Variants in CDH6 observed in about 807,000 individuals in gnomAD.
CDH6 encodes cadherin-6.
CDH6 carries 31 observed loss-of-function variants against 78.0 expected under a neutral mutation model. That is an observed-to-expected ratio of 0.40 (90% CI 0.30 to 0.54). The LOEUF (loss-of-function observed/expected upper bound fraction) is 0.54, where lower values mean the gene tolerates loss of function less well. Among genes scored for constraint, CDH6 ranks in the 20% least tolerant of loss-of-function variants. CDH6 has a pLI of 0.56. For missense variants in CDH6, 724 were observed against 975.9 expected, an observed-to-expected ratio of 0.74 and a Z score of 3.44; for synonymous variants, 376 against 368.8, an observed-to-expected ratio of 1.02 and a Z score of -0.23.
In CDH6 at chr5:31,324,094, G is replaced by GT. The variant is rs1241634371; in HGVS notation, c.*790dup. 1.4e-5 allele frequency: 3 copies of GT among 221,758 alleles called. No homozygotes were observed. Among genetic ancestry groups the GT allele is most frequent in the Non-Finnish European group, 2.7e-5 (3 of 111,072 alleles). 13.7% of individuals were successfully genotyped at this position (221,758 alleles called of 1,614,324 possible). On this transcript the variant is annotated 3_prime_UTR_variant, in exon 12 of 12. Transcript: ENST00000265071. ...AAATATATTTTACCATACATTTAAA[G>GT]TTTTGGCCACCACATGTATCACGGG... is the stretch of plus-strand genomic sequence containing the variant.
chr5:31,229,697 G>A (rs1033336427), intron 1 of CDH6, among the ~76,000 whole-genome samples: 2 of 152,216 alleles, frequency 1.3e-5, no homozygotes, highest in Non-Finnish European at 2.9e-5. Flanking sequence ...ATGACAAAGA[G>A]AAATGCAATT....
intron 1 of CDH6, chr5:31,251,900 C>T (rs2149925046): frequency 6.6e-6 from 1 of 152,246 alleles, no homozygotes; most frequent in South Asian, 2.1e-4. Flanking sequence ...CAAAATGACA[C>T]TTCAGAAGTT....
intron 1 of CDH6, among the ~76,000 whole-genome samples, chr5:31,264,747 C>G (rs955580089): frequency 6.6e-6 from 1 of 152,106 alleles, no homozygotes; most frequent in African/African-American, 2.4e-5. Flanking sequence ...CAAGTTGATA[C>G]AAAAAGAACT....
At chr5:31,254,093 G>A (rs749353815) in intron 1 of CDH6, among the ~76,000 whole-genome samples, 4 of 152,110 alleles carry the variant, frequency 2.6e-5, no homozygotes, top group African/African-American at 4.8e-5. Flanking sequence ...CATCCTGCCT[G>A]GATTGTGAAT....
chr5:31,260,111 A>C (rs1351623096), intron 1 of CDH6, among the ~76,000 whole-genome samples: 3 of 152,262 alleles, frequency 2.0e-5, no homozygotes, highest in Non-Finnish European at 1.5e-5. Flanking sequence ...AGGATGGCCT[A>C]TATGTGTCGT....
At chr5:31,240,726 A>G (rs571905462) in intron 1 of CDH6, among the ~76,000 whole-genome samples, 1 of 152,332 alleles carries the variant, frequency 6.6e-6, no homozygotes, top group African/African-American at 2.4e-5. Context: ...ATTATCCTCC[A>G]TGCTCATCTG....
chr5:31,230,939 C>T (rs1224634005), intron 1 of CDH6, among the ~76,000 whole-genome samples: 1 of 152,156 alleles, frequency 6.6e-6, no homozygotes, highest in Non-Finnish European at 1.5e-5. Context: ...CGAACAAACT[C>T]TTTAAAATGT....
chr5:31,328,324 A>T lies in CDH6; in HGVS notation c.*5016A>T. 5.0e-6 allele frequency: 1 copy of T among 199,582 alleles called. No homozygotes were observed. The highest frequency in any genetic ancestry group is 6.0e-5 in the Admixed American group (1 of 16,566). The allele number at this position is 199,582 out of a possible 1,614,324, so 12.4% of individuals were successfully genotyped here. A position where few individuals can be genotyped will look rare whatever the true frequency, so the allele number is the denominator to read the frequency against. ...AGATCTTGGTCTTTCTTGTGAGGCTACGTTATTTATGTAAATATGTCTGGA... is the reference window on the plus strand; with the variant it reads ...AGATCTTGGTCTTTCTTGTGAGGCTTCGTTATTTATGTAAATATGTCTGGA... On this transcript the variant is annotated 3_prime_UTR_variant, in exon 12 of 12. Coordinates refer to ENST00000265071, the MANE Select transcript of CDH6 (RefSeq NM_004932.4).
intron 7 of CDH6, 147 bp downstream of exon 7, chr5:31,305,574 T>A: frequency 1.3e-6 from 1 of 769,826 alleles, no homozygotes; most frequent in Non-Finnish European, 2.1e-6. Context: ...ACAGCACCTT[T>A]AACTCTCTTT....
At chr5:31,246,093 G>A (rs531891464) in intron 1 of CDH6, among the ~76,000 whole-genome samples, 72 of 151,576 alleles carry the variant, frequency 4.8e-4, no homozygotes, top group Admixed American at 2.0e-4. Context: ...TGTATTTTTA[G>A]TAGAGACAGG....
intron 1 of CDH6, among the ~76,000 whole-genome samples, chr5:31,240,612 A>G (rs1412272320): frequency 6.6e-6 from 1 of 152,168 alleles, no homozygotes; most frequent in Non-Finnish European, 1.5e-5. Flanking sequence ...CGCTCTACTC[A>G]GACAGCTCAC....
At chr5:31,231,762 C>T (rs912824286) in intron 1 of CDH6, among the ~76,000 whole-genome samples, 10 of 152,168 alleles carry the variant, frequency 6.6e-5, no homozygotes, top group African/African-American at 1.9e-4. Flanking sequence ...AAAGGTCCCA[C>T]GTCTCAATAA....
chr5:31,284,754 T>A (rs148548093), intron 2 of CDH6, among the ~76,000 whole-genome samples: 7 of 152,354 alleles, frequency 4.6e-5, no homozygotes, highest in Admixed American at 2.6e-4. Flanking sequence ...GAACCACAGA[T>A]GCCACTGAGG....
At chr5:31,215,127 C>T (rs1740828205) in intron 1 of CDH6, among the ~76,000 whole-genome samples, 1 of 152,144 alleles carries the variant, frequency 6.6e-6, no homozygotes, top group Non-Finnish European at 1.5e-5. Context: ...TGCTTTCTGA[C>T]ACTTTGTTTA....
At chr5:31,225,650 A>G (rs1036631562) in intron 1 of CDH6, among the ~76,000 whole-genome samples, 4 of 151,376 alleles carry the variant, frequency 2.6e-5, no homozygotes, top group Non-Finnish European at 5.9e-5. Flanking sequence ...GTGAGAACTC[A>G]CTAACTGTCA....
chr5:31,304,338 T>G (rs1449491056), intron 6 of CDH6, among the ~76,000 whole-genome samples: 2 of 152,178 alleles, frequency 1.3e-5, no homozygotes, highest in Admixed American at 1.3e-4. Context: ...GTTGGTTTAA[T>G]GGTCCACGCT....
intron 1 of CDH6, among the ~76,000 whole-genome samples, chr5:31,205,512 CAGA>C (rs1740491883): frequency 6.6e-6 from 1 of 152,160 alleles, no homozygotes; most frequent in East Asian, 1.9e-4. Flanking sequence ...AGCAGATTAG[CAGA>C]AGTCTGTCAT....
intron 1 of CDH6, among the ~76,000 whole-genome samples, chr5:31,264,036 T>C (rs1215625759): frequency 6.6e-6 from 1 of 152,208 alleles, no homozygotes; most frequent in Non-Finnish European, 1.5e-5. Flanking sequence ...TTCTTCTTCT[T>C]CATGCAAACA....
In CDH6 at chr5:31,323,723, A is replaced by C. The variant is rs962198752; in HGVS notation, c.*415A>C. ...TAAAGATAAAAATATCATCATAGTA[A>C]AAGAAATGAGGGCATATCGGCTCAC... is the stretch of plus-strand genomic sequence containing the variant. On this transcript the variant is annotated 3_prime_UTR_variant, in exon 12 of 12. Coordinates refer to ENST00000265071, the MANE Select transcript of CDH6 (RefSeq NM_004932.4). The C allele has an allele frequency of 1.2e-5, 3 of 243,896 alleles. No homozygotes were observed. The highest frequency in any genetic ancestry group is 6.6e-5 in the African/African-American group (3 of 45,568). The allele number at this position is 243,896 out of a possible 1,614,324, so 15.1% of individuals were successfully genotyped here.
Sources: allele counts gnomAD v4.1 joint callset (sites outside exome capture counted in the v4.1 genomes callset), GRCh38; gene constraint gnomAD v4.1.1; transcripts MANE v1.5; gene names NCBI Gene and HGNC (gene_info 2026-07-23, HGNC 2026-07-21).